MAT2A: variants seen among roughly 807,000 people sequenced by gnomAD.
MAT2A encodes the protein methionine adenosyltransferase 2A.
Under a neutral mutation model 43.9 loss-of-function variants are expected in MAT2A, and 3 were observed. The observed-to-expected ratio is 0.07, with a 90% CI of 0.03 to 0.18. The LOEUF (loss-of-function observed/expected upper bound fraction) is 0.18. Ranked by LOEUF, MAT2A falls within the 10% of genes least tolerant of loss-of-function variation. The pLI is 1.00. For synonymous variants in MAT2A, 200 were observed against 168.4 expected (o/e 1.19, Z -1.45); for missense variants, 204 against 489.0 (o/e 0.42, Z 5.50).
chr2:85,540,682 C>T (rs574437483), intron 1 of MAT2A, among the ~76,000 whole-genome samples: 26 of 152,336 alleles, frequency 1.7e-4, no homozygotes, highest in African/African-American at 6.0e-4. Flanking sequence ...CCATTTTAGT[C>T]AGAAAATGCT....
chr2:85,541,802 T>A (rs1370868736), intron 4 of MAT2A, 27 bp from the exon 5 acceptor site: 1 of 1,613,872 alleles, frequency 6.2e-7, no homozygotes, highest in Admixed American at 1.7e-5. Context: ...TGGAGCTTGA[T>A]CACATTGGTG....
intron 1 of MAT2A, among the ~76,000 whole-genome samples, chr2:85,540,619 A>G (rs1299925299): frequency 6.6e-6 from 1 of 152,212 alleles, no homozygotes; most frequent in African/African-American, 2.4e-5. Flanking sequence ...CATCTTCTAC[A>G]CTGTTGAGCT....
chr2:85,541,486 C>A, intron 3 of MAT2A, 109 bp downstream of exon 3: 2 of 1,390,706 alleles, frequency 1.4e-6, no homozygotes, highest in Non-Finnish European at 2.0e-6. Flanking sequence ...TCTTACTATA[C>A]ACTAAGCCCT....
chr2:85,540,845 G>A lies in MAT2A; in HGVS notation c.92-238G>A, dbSNP rs937983354. On this transcript the variant is annotated intron_variant, in intron 1 of 8. Transcript: ENST00000306434. Reference sequence around the variant, plus strand: ...GTTGTGGAAGTGAATATGATATAGGGCAAATTCTGTTCTTTAAAGGATATA... The same window carrying A: ...GTTGTGGAAGTGAATATGATATAGGACAAATTCTGTTCTTTAAAGGATATA... 3.3e-5 allele frequency among the ~76,000 whole-genome samples: 5 copies of A among 152,142 alleles called. No individual in the cohort carries two copies. In the East Asian group the frequency reaches 9.6e-4, roughly 29 times the overall value.
In MAT2A at chr2:85,541,141, T is replaced by C; in HGVS notation, c.150T>C (p.Pro50=). 6.2e-7 allele frequency: 1 copy of C among 1,613,814 alleles called. No homozygotes were observed. ...TTGATGCCCACCTTCAGCAGGATCC[T>C]GATGCCAAAGTAGCTTGTGGTAGGT... ...AVLDAHLQQD[P]DAKVACETVA... is the part of the protein sequence containing the mutation. Residue 50 remains proline, a synonymous_variant, in exon 2 of 9, where the codon CCT becomes CCC. Coordinates refer to ENST00000306434, the MANE Select transcript of MAT2A (RefSeq NM_005911.6).
chr2:85,539,230 G>A lies in MAT2A; in HGVS notation c.-58G>A, dbSNP rs1053136247. 8 of 1,292,470 alleles carry A rather than the reference G, an allele frequency of 6.2e-6. No homozygotes were observed. In the African/African-American group the frequency reaches 1.1e-4, roughly 17 times the overall value. 80.1% of individuals were successfully genotyped at this position (1,292,470 alleles called of 1,614,324 possible). On this transcript the variant is annotated 5_prime_UTR_variant, in exon 1 of 9. Coordinates refer to ENST00000306434, the MANE Select transcript of MAT2A (RefSeq NM_005911.6). ...CTGTCCGCAGCTTGCGCATTTCGCA[G>A]CCGCTGCCGCCTCGCCGCTGCTCCT...
Position 85,544,302 on chromosome 2 carries a change from G to A in MAT2A, c.*530G>A, listed in dbSNP as rs1041354002. 6.6e-6 allele frequency: 1 copy of A among 152,490 alleles called. No individual in the cohort carries two copies. Among genetic ancestry groups the A allele is most frequent in the African/African-American group, 2.4e-5 (1 of 41,366 alleles). The allele number at this position is 152,490 out of a possible 1,614,324, so 9.4% of individuals were successfully genotyped here. A position where few individuals can be genotyped will look rare whatever the true frequency, so the allele number is the denominator to read the frequency against. ...TCCATTTCTAATTATGTAGCTCTTT[G>A]TCAGGGAGTGTTCCCTATCCAATCA... On this transcript the variant is annotated 3_prime_UTR_variant, in exon 9 of 9. Coordinates refer to ENST00000306434, the MANE Select transcript of MAT2A (RefSeq NM_005911.6).
Position 85,542,894 on chromosome 2 carries a change from C to T in MAT2A, c.952-7C>T, listed in dbSNP as rs908156024. 1.2e-6 allele frequency: 2 copies of T among 1,610,844 alleles called. No individual in the cohort carries two copies. Among genetic ancestry groups the T allele is most frequent in the East Asian group, 2.2e-5 (1 of 44,872 alleles). ...CACTGATTCTTACGACATTTGAATC[C>T]TTTTAGGTCTCTTATGCTATTGGAG... On this transcript the variant is annotated splice_polypyrimidine_tract_variant and splice_region_variant and intron_variant, in intron 7 of 8. Transcript: ENST00000306434.
intron 8 of MAT2A, 123 bp from the exon 9 acceptor site, chr2:85,543,547 A>G: frequency 1.5e-6 from 1 of 647,662 alleles, no homozygotes; most frequent in Non-Finnish European, 2.7e-6. Context: ...TTTGCCACAA[A>G]TTTTTTTCCT....
chr2:85,541,238 A>G lies in MAT2A; in HGVS notation c.170-17A>G. Reference sequence around the variant, plus strand: ...TTTATAGAAGTGATGTTTGAGTTGAATGTCTCTTTTTATTAGAAACTGTTG... The same window carrying G: ...TTTATAGAAGTGATGTTTGAGTTGAGTGTCTCTTTTTATTAGAAACTGTTG... On this transcript the variant is annotated splice_polypyrimidine_tract_variant and intron_variant, in intron 2 of 8. Transcript: ENST00000306434. 1 of 1,613,466 alleles carries G rather than the reference A, an allele frequency of 6.2e-7. No homozygotes were observed. The highest frequency in any genetic ancestry group is 8.5e-7 in the Non-Finnish European group (1 of 1,179,746).
chr2:85,539,774 C>T (rs1691415304), intron 1 of MAT2A: 2 of 158,962 alleles, frequency 1.3e-5, no homozygotes, highest in African/African-American at 4.8e-5. Context: ...GCGTCCGGCC[C>T]TCGGGAGCGC....
chr2:85,541,446 T>C (rs1408065626), intron 3 of MAT2A, 69 bp downstream of exon 3: 2 of 1,561,204 alleles, frequency 1.3e-6, no homozygotes, highest in Non-Finnish European at 1.7e-6. Context: ...ACTCCTAGAA[T>C]GTTCCTGCTA....
rs771488542 is a variant in MAT2A, at chr2:85,539,317, G to C, written c.30G>C (p.Glu10Asp). 4 of 1,606,482 alleles carry C rather than the reference G, an allele frequency of 2.5e-6. No homozygotes were observed. In the Admixed American group the frequency reaches 6.7e-5, roughly 27 times the overall value. MNGQLNGFHEAFIEEGTFLF... is the reference protein window; with the variant it reads MNGQLNGFHDAFIEEGTFLF... Reference sequence around the variant, plus strand: ...ACGGACAGCTCAACGGCTTCCACGAGGCGTTCATCGAGGAGGGCACATTCC... The same window carrying C: ...ACGGACAGCTCAACGGCTTCCACGACGCGTTCATCGAGGAGGGCACATTCC... Residue 10 changes from glutamate (E) to aspartate (D), a missense_variant, in exon 1 of 9, where the codon GAG becomes GAC. Glu to Asp is a conservative substitution (Grantham distance 45, BLOSUM62 2). Coordinates refer to ENST00000306434, the MANE Select transcript of MAT2A (RefSeq NM_005911.6).
intron 5 of MAT2A, 41 bp from the exon 6 acceptor site, chr2:85,542,114 T>A (rs1443427688): frequency 1.3e-6 from 2 of 1,587,910 alleles, no homozygotes; most frequent in African/African-American, 2.7e-5. Context: ...TACAAAGTTA[T>A]TGTTTGGTGT....
intron 1 of MAT2A, 42 bp downstream of exon 1, chr2:85,539,420 G>C (rs890059839): frequency 2.6e-6 from 4 of 1,520,952 alleles, no homozygotes; most frequent in Admixed American, 1.9e-5. Context: ...CGGGGCAGAA[G>C]GCAGCGCCAA....
Position 85,541,332 on chromosome 2 carries a change from G to A in MAT2A, c.247G>A (p.Val83Ile), listed in dbSNP as rs765185473. The A allele has an allele frequency of 6.2e-7, 1 of 1,614,006 alleles. No individual in the cohort carries two copies. Among genetic ancestry groups the A allele is most frequent in the South Asian group, 1.1e-5 (1 of 91,072 alleles). ...SRAAVDYQKV[V>I]REAVKHIGYD... ...AGCTGCTGTTGACTACCAGAAAGTG[G>A]TTCGTGAAGCTGTTAAACACATTGG... is the stretch of plus-strand genomic sequence containing the variant. The change falls in exon 3 of 9, where the codon GTT becomes ATT. Residue 83 changes from valine to isoleucine, a missense_variant. Val to Ile is a conservative substitution (Grantham distance 29). Around this residue, in one of 6 missense-constraint regions of MAT2A, gnomAD observed 103 missense variants for 226.4 expected, o/e 0.45. Transcript: ENST00000306434.
chr2:85,543,506 C>T, intron 8 of MAT2A, 164 bp from the exon 9 acceptor site: 1 of 593,170 alleles, frequency 1.7e-6, no homozygotes, highest in South Asian at 2.1e-5. Flanking sequence ...AAGGACTGTG[C>T]AAGGAGTTTG....
intron 8 of MAT2A, 156 bp downstream of exon 8, chr2:85,543,190 G>A: frequency 2.5e-6 from 2 of 792,572 alleles, no homozygotes; most frequent in South Asian, 2.3e-5. Flanking sequence ...CCTTAGTGAA[G>A]ACTTAGTTAT....
chr2:85,542,033 A>G (rs1691487839), intron 5 of MAT2A, 61 bp downstream of exon 5: 6 of 1,596,272 alleles, frequency 3.8e-6, no homozygotes, highest in Admixed American at 3.4e-5. Context: ...AAGATCCATA[A>G]TTTTGATAAT....
Sources: gnomAD v4.1 joint callset for allele counts (sites outside exome capture counted in the v4.1 genomes callset) on GRCh38, gnomAD v4.1.1 for gene constraint, gnomAD v4.1.1 regional missense constraint, MANE v1.5 for transcripts, NCBI Gene and HGNC (gene_info 2026-07-23, HGNC 2026-07-21) for gene names.